Variants in RBM6 observed in about 807,000 individuals in gnomAD.
The protein encoded by RBM6 is RNA binding motif protein 6, also known as RNA-binding protein 6.
A neutral mutation model predicts 140.4 loss-of-function variants in RBM6; 23 were observed. That is an observed-to-expected ratio of 0.16 (90% confidence interval 0.12 to 0.23). The LOEUF is 0.23. Among genes scored for constraint, RBM6 ranks in the 10% least tolerant of loss-of-function variants. The pLI is 1.00. For synonymous variants in RBM6, 439 were observed against 475.6 expected (o/e 0.92, Z 1.00); for missense variants, 1,139 against 1,386.7 (o/e 0.82, Z 2.84).
intron 1 of RBM6, among the ~76,000 whole-genome samples, chr3:49,942,843 A>G (rs982603990): frequency 1.3e-5 from 2 of 152,180 alleles, no homozygotes; most frequent in African/African-American, 4.8e-5. Flanking sequence ...CCTGGGCTGC[A>G]CAGCCAGACT....
chr3:50,072,860 G>T (rs1456553930), intron 19 of RBM6, among the ~76,000 whole-genome samples: 3 of 152,166 alleles, frequency 2.0e-5, no homozygotes, highest in African/African-American at 7.2e-5. Flanking sequence ...GTGGGGTGCG[G>T]AAAGAGACCC....
intron 13 of RBM6, 92 bp downstream of exon 13, chr3:50,061,313 A>G: frequency 6.3e-7 from 1 of 1,599,160 alleles, no homozygotes; most frequent in Non-Finnish European, 8.5e-7. Context: ...GGCAAGATAC[A>G]CTGTTGACTG....
chr3:49,991,012 C>A (rs1319886689), intron 5 of RBM6, among the ~76,000 whole-genome samples: 1 of 152,178 alleles, frequency 6.6e-6, no homozygotes, highest in East Asian at 1.9e-4. Context: ...TTGCAATGAT[C>A]AGTTATCAGG....
chr3:49,968,940 C>T (rs368535447), intron 3 of RBM6, among the ~76,000 whole-genome samples, 192 bp downstream of exon 3: 2 of 150,492 alleles, frequency 1.3e-5, no homozygotes, highest in Admixed American at 6.6e-5. Context: ...CCCACCACCA[C>T]GCCTGGTGTG....
intron 5 of RBM6, among the ~76,000 whole-genome samples, chr3:49,984,609 T>TCG (rs1466882050): frequency 0.023 from 2,135 of 94,226 alleles, 25 homozygotes; most frequent in Middle Eastern, 0.028. Flanking sequence ...TCACATCACA[T>TCG]CACATCGCAT....
intron 1 of RBM6, among the ~76,000 whole-genome samples, chr3:49,942,105 A>G: frequency 6.6e-6 from 1 of 151,238 alleles, no homozygotes; most frequent in East Asian, 2.0e-4. Context: ...TCTCAAAAAA[A>G]AAAAAATCAA....
intron 5 of RBM6, among the ~76,000 whole-genome samples, chr3:49,988,446 CTT>C (rs1055139507): frequency 1.4e-5 from 2 of 144,708 alleles, no homozygotes; most frequent in African/African-American, 2.5e-5. Flanking sequence ...GCCTGGCCTT[CTT>C]TTTTTTTTTT....
intron 6 of RBM6, among the ~76,000 whole-genome samples, chr3:50,009,796 C>G (rs529188625): frequency 6.6e-6 from 1 of 152,204 alleles, no homozygotes; most frequent in South Asian, 2.1e-4. Context: ...TGCTCCTGGA[C>G]TCAAGCAGTC....
chr3:50,075,387 C>A, intron 20 of RBM6, 57 bp downstream of exon 20: 1 of 1,592,110 alleles, frequency 6.3e-7, no homozygotes, highest in South Asian at 1.1e-5. Context: ...AATTAACTTT[C>A]ACTTTCTGGC....
chr3:49,976,663 G>A (rs1438576273), intron 5 of RBM6, among the ~76,000 whole-genome samples: 1 of 152,132 alleles, frequency 6.6e-6, no homozygotes, highest in African/African-American at 2.4e-5. Flanking sequence ...ATTAAGTATT[G>A]ATATGTTTAG....
chr3:49,957,985 C>T (rs1459861432), intron 1 of RBM6, among the ~76,000 whole-genome samples: 7 of 152,116 alleles, frequency 4.6e-5, no homozygotes, highest in Admixed American at 3.9e-4. Context: ...TTGTACGCCA[C>T]CACACGTGGC....
chr3:50,022,913 A>G (rs181458237), intron 6 of RBM6, among the ~76,000 whole-genome samples: 4 of 152,184 alleles, frequency 2.6e-5, no homozygotes, highest in Admixed American at 6.5e-5. Context: ...AGCCTGGGCA[A>G]TGTAGCAAAA....
At chr3:50,037,005 C>G (rs112147950) in intron 6 of RBM6, among the ~76,000 whole-genome samples, 4,889 of 151,942 alleles carry the variant, frequency 0.032, 274 homozygotes, top group African/African-American at 0.11. Context: ...AGTATGGTCT[C>G]GATCTCTTGA....
At chr3:49,985,323 G>T (rs1191654622) in intron 5 of RBM6, among the ~76,000 whole-genome samples, 1 of 152,148 alleles carries the variant, frequency 6.6e-6, no homozygotes, top group Non-Finnish European at 1.5e-5. Context: ...CTGTTTACAG[G>T]ATTTAAAAAT....
At chr3:50,052,477 A>C (rs2089508801) in intron 7 of RBM6, among the ~76,000 whole-genome samples, 1 of 152,188 alleles carries the variant, frequency 6.6e-6, no homozygotes, top group Non-Finnish European at 1.5e-5. Context: ...TTGTCCCAGC[A>C]CCATTTGTTG....
At chr3:50,021,597 C>T (rs538354904) in intron 6 of RBM6, among the ~76,000 whole-genome samples, 5 of 152,126 alleles carry the variant, frequency 3.3e-5, no homozygotes, top group East Asian at 1.9e-4. Flanking sequence ...ACCAAGATTG[C>T]GCCAGTGCAC....
At position 49,988,559 on chromosome 3, in the gene RBM6, A is replaced by G. The variant is rs2085672945; in HGVS notation, c.1484-10881A>G. On this transcript the variant is annotated intron_variant, in intron 5 of 20. Coordinates refer to ENST00000266022, the MANE Select transcript of RBM6 (RefSeq NM_005777.3). ...TGGTTCATTCATTTGCTTTAGAGGTAGAAGGAGCAGGAAAAAGTACAACAA... is the reference window on the plus strand; with the variant it reads ...TGGTTCATTCATTTGCTTTAGAGGTGGAAGGAGCAGGAAAAAGTACAACAA... Among the ~76,000 whole-genome samples the G allele has an allele frequency of 2.6e-5, 4 of 152,186 alleles. No homozygotes were observed. The South Asian group carries it at 8.3e-4, about 31-fold the overall frequency.
chr3:49,976,672 A>G (rs2085076826), intron 5 of RBM6, among the ~76,000 whole-genome samples: 2 of 152,192 alleles, frequency 1.3e-5, no homozygotes, highest in Admixed American at 6.5e-5. Context: ...TGATATGTTT[A>G]GGAAAGGAGA....
At chr3:50,015,416 T>TTTATTA (rs1371889339) in intron 6 of RBM6, among the ~76,000 whole-genome samples, 10 of 144,462 alleles carry the variant, frequency 6.9e-5, no homozygotes, top group East Asian at 2.0e-4. Context: ...AAATTTTTAT[T>TTTATTA]TTATTATTAT....
Sources: gnomAD v4.1 joint callset for allele counts (sites outside exome capture counted in the v4.1 genomes callset) on GRCh38, gnomAD v4.1.1 for gene constraint, MANE v1.5 for transcripts, NCBI Gene and HGNC (gene_info 2026-07-23, HGNC 2026-07-21) for gene names.